PRTFDC1: variants seen among roughly 807,000 people sequenced by gnomAD.
The protein encoded by PRTFDC1 is phosphoribosyltransferase domain-containing protein 1.
PRTFDC1 carries 38 observed loss-of-function variants against 34.6 expected under a neutral mutation model. The ratio of observed to expected loss-of-function variants is 1.10; its 90% CI spans 0.85 to 1.44. The LOEUF (loss-of-function observed/expected upper bound fraction) is 1.44, where lower values mean the gene tolerates loss of function less well. PRTFDC1 is among the 40% of genes most tolerant of loss of function. The probability of loss-of-function intolerance (pLI) is 0.00; values close to 1 mark genes in which losing one functional copy is unlikely to be tolerated. For missense variants in PRTFDC1, 270 were observed against 283.0 expected (o/e 0.95, Z 0.33); for synonymous variants, 93 against 98.1 (o/e 0.95, Z 0.31).
Position 24,951,060 on chromosome 10 carries a change from G to A in PRTFDC1, c.48+1468C>T, listed in dbSNP as rs138150725. On this transcript the variant is annotated intron_variant, in intron 1 of 8. Transcript: ENST00000320152. ...CTTGCCCCTCCTCCTGGGGCAACTGGAATGGTTTTTGTAAAAGCATAAATC... is the reference window on the plus strand; with the variant it reads ...CTTGCCCCTCCTCCTGGGGCAACTGAAATGGTTTTTGTAAAAGCATAAATC... Among the ~76,000 whole-genome samples, 520 of 152,258 alleles carry A rather than the reference G, an allele frequency of 3.4e-3. 1 individual carries two copies. The highest frequency in any genetic ancestry group is 0.012 in the African/African-American group (494 of 41,536).
intron 3 of PRTFDC1, among the ~76,000 whole-genome samples, chr10:24,896,349 G>T (rs1330858411): frequency 1.3e-5 from 2 of 152,180 alleles, no homozygotes; most frequent in Non-Finnish European, 2.9e-5. Context: ...AGGTGGAAGA[G>T]TTTCATCTGG....
chr10:24,896,760 C>CAT (rs1848372094), intron 3 of PRTFDC1, among the ~76,000 whole-genome samples: 1 of 152,184 alleles, frequency 6.6e-6, no homozygotes, highest in Admixed American at 6.5e-5. Context: ...AACAAAAGTG[C>CAT]ATACCACTTA....
chr10:24,873,085 C>T (rs1324949146), intron 3 of PRTFDC1, among the ~76,000 whole-genome samples: 6 of 152,000 alleles, frequency 3.9e-5, no homozygotes, highest in Non-Finnish European at 8.8e-5. Flanking sequence ...CTTGGCCTCC[C>T]AAAGTGCTGG....
chr10:24,901,715 A>G (rs1417294305), intron 3 of PRTFDC1, among the ~76,000 whole-genome samples: 4 of 152,206 alleles, frequency 2.6e-5, no homozygotes, highest in Non-Finnish European at 5.9e-5. Context: ...GGTGACAAAG[A>G]AAGACCCAGT....
intron 3 of PRTFDC1, among the ~76,000 whole-genome samples, chr10:24,931,018 G>A (rs1848963788): frequency 6.6e-6 from 1 of 152,034 alleles, no homozygotes; most frequent in Non-Finnish European, 1.5e-5. Flanking sequence ...CATAGAACAA[G>A]CCTCAAAAAA....
intron 3 of PRTFDC1, among the ~76,000 whole-genome samples, chr10:24,872,819 T>TA (rs2132513301): frequency 7.1e-6 from 1 of 139,872 alleles, no homozygotes; most frequent in African/African-American, 2.6e-5. Flanking sequence ...TTTTTTTTTT[T>TA]TTTTTTTTGA....
chr10:24,893,521 G>T (rs567725546), intron 3 of PRTFDC1, among the ~76,000 whole-genome samples: 19 of 152,230 alleles, frequency 1.2e-4, no homozygotes, highest in Admixed American at 9.2e-4. Flanking sequence ...GGTTGCCCAG[G>T]CTGGTCTCAA....
At chr10:24,919,786 T>TA (rs201829359) in intron 3 of PRTFDC1, among the ~76,000 whole-genome samples, 2,097 of 149,074 alleles carry the variant, frequency 0.014, 46 homozygotes, top group East Asian at 0.094. Context: ...AAATTTACAT[T>TA]AAAAAAAAAC....
chr10:24,942,370 A>T lies in PRTFDC1; in HGVS notation c.115T>A (p.Leu39Met). Residue 39 changes from leucine to methionine, a missense_variant, in exon 2 of 9, where the codon TTG (leucine) becomes ATG (methionine). Physicochemically the swap from Leu to Met is conservative, Grantham distance 15. Transcript: ENST00000320152. Reference protein sequence around the residue: ...FTYPQHYYGDLEYVLIPHGII... With the variant: ...FTYPQHYYGDMEYVLIPHGII... ...CCATGAGGGATGAGGACATACTCCAAGTCTCCATAATAGTGCTGTGGGTAC... is the reference window on the plus strand; with the variant it reads ...CCATGAGGGATGAGGACATACTCCATGTCTCCATAATAGTGCTGTGGGTAC... 6.2e-7 allele frequency: 1 copy of T among 1,613,828 alleles called. No individual in the cohort carries two copies. The highest frequency in any genetic ancestry group is 8.5e-7 in the Non-Finnish European group (1 of 1,179,678).
At chr10:24,895,907 A>G (rs1458893846) in intron 3 of PRTFDC1, among the ~76,000 whole-genome samples, 1 of 152,006 alleles carries the variant, frequency 6.6e-6, no homozygotes, top group Non-Finnish European at 1.5e-5. Flanking sequence ...CCTGGAAGTT[A>G]TGTCAACGCA....
intron 1 of PRTFDC1, among the ~76,000 whole-genome samples, chr10:24,950,370 G>A (rs1052305079): frequency 2.6e-5 from 4 of 151,994 alleles, no homozygotes; most frequent in Non-Finnish European, 4.4e-5. Context: ...CTGAAAATCC[G>A]AAATCCAAAA....
chr10:24,937,467 G>T, intron 2 of PRTFDC1, 100 bp from the exon 3 acceptor site: 1 of 1,081,334 alleles, frequency 9.2e-7, no homozygotes. Context: ...CGATTACTCA[G>T]AGGAATGTGG....
At position 24,887,259 on chromosome 10, in the gene PRTFDC1, C is replaced by T. The variant is rs373957618; in HGVS notation, c.340-15196G>A. Among the ~76,000 whole-genome samples the T allele has an allele frequency of 1.2e-4, 18 of 152,204 alleles. No individual in the cohort carries two copies. The South Asian group carries it at 2.5e-3, about 21-fold the overall frequency. On this transcript the variant is annotated intron_variant, in intron 3 of 8. Coordinates refer to ENST00000320152, the MANE Select transcript of PRTFDC1 (RefSeq NM_020200.7). ...TGCTGGGATTACAGGCGTGAGCCAC[C>T]GCGCCCGGCCGTTAATACTCCTTCT...
chr10:24,868,291 A>G (rs1387002654), intron 4 of PRTFDC1: 1 of 152,036 alleles, frequency 6.6e-6, no homozygotes, highest in African/African-American at 2.4e-5. Flanking sequence ...GACTATCTGA[A>G]TCCTAAGGAA....
intron 3 of PRTFDC1, among the ~76,000 whole-genome samples, chr10:24,881,031 ATC>A (rs1848072130): frequency 1.2e-5 from 1 of 80,332 alleles, no homozygotes; most frequent in Non-Finnish European, 2.4e-5. Context: ...CTCTCTCTCT[ATC>A]TCTTTCTTTC....
At chr10:24,893,023 A>G (rs972319160) in intron 3 of PRTFDC1, among the ~76,000 whole-genome samples, 7 of 152,172 alleles carry the variant, frequency 4.6e-5, no homozygotes, top group African/African-American at 4.8e-5. Context: ...ATCCACCCAA[A>G]TTTTGCTCAT....
intron 4 of PRTFDC1, among the ~76,000 whole-genome samples, chr10:24,871,029 G>A (rs900959655): frequency 3.7e-5 from 5 of 136,060 alleles, no homozygotes; most frequent in African/African-American, 5.6e-5. Context: ...CTGAGATCAC[G>A]CCAGTGCACT....
chr10:24,922,616 T>C (rs1225288934), intron 3 of PRTFDC1, among the ~76,000 whole-genome samples: 1 of 152,232 alleles, frequency 6.6e-6, no homozygotes, highest in Non-Finnish European at 1.5e-5. Flanking sequence ...TCTGCCATGA[T>C]TGTGAGGCCT....
intron 2 of PRTFDC1, 96 bp from the exon 3 acceptor site, chr10:24,937,463 C>T: frequency 8.9e-7 from 1 of 1,125,052 alleles, no homozygotes; most frequent in Admixed American, 3.0e-5. Context: ...TATTCGATTA[C>T]TCAGAGGAAT....
Sources: allele counts gnomAD v4.1 joint callset (sites outside exome capture counted in the v4.1 genomes callset), GRCh38; gene constraint gnomAD v4.1.1; transcripts MANE v1.5; gene names NCBI Gene and HGNC (gene_info 2026-07-23, HGNC 2026-07-21).